CASZ1: variants seen among roughly 807,000 people sequenced by gnomAD.
CASZ1 encodes the protein castor zinc finger 1, also known as zinc finger protein castor homolog 1.
In CASZ1, 28 loss-of-function variants were observed where a neutral mutation model predicts 135.2. That is an observed-to-expected ratio of 0.21 (90% CI 0.15 to 0.28). The LOEUF is 0.28. Ranked by LOEUF, CASZ1 falls within the 10% of genes least tolerant of loss-of-function variation. CASZ1 has a pLI of 1.00. For missense variants in CASZ1, 2,161 were observed against 2,453.3 expected (o/e 0.88, Z 2.52); for synonymous variants, 1,068 against 1,073.4 (o/e 0.99, Z 0.10).
chr1:10,773,295 C>A (rs544910595), intron 1 of CASZ1, among the ~76,000 whole-genome samples: 1 of 152,122 alleles, frequency 6.6e-6, no homozygotes, highest in Non-Finnish European at 1.5e-5. Flanking sequence ...CACCCTGAAC[C>A]ATCCCCACAC....
intron 1 of CASZ1, among the ~76,000 whole-genome samples, chr1:10,770,371 T>C (rs11121616): frequency 0.17 from 26,214 of 152,202 alleles, 2,600 homozygotes; most frequent in East Asian, 0.4. Context: ...AGGTGTGAGC[T>C]GTCGAACCTG....
chr1:10,702,540 C>G (rs1639082577), intron 3 of CASZ1, among the ~76,000 whole-genome samples: 1 of 152,194 alleles, frequency 6.6e-6, no homozygotes, highest in South Asian at 2.1e-4. Flanking sequence ...GTCCCAAGGG[C>G]AGAAGGCCAA....
At position 10,735,364 on chromosome 1, in the gene CASZ1, C is replaced by T. The variant is rs547558894; in HGVS notation, c.-77+25337G>A. 4.6e-5 allele frequency among the ~76,000 whole-genome samples: 7 copies of T among 152,208 alleles called. No homozygotes were observed. Among genetic ancestry groups the T allele is most frequent in the Admixed American group, 6.5e-5 (1 of 15,292 alleles). On this transcript the variant is annotated intron_variant, in intron 2 of 20. Coordinates refer to ENST00000377022, the MANE Select transcript of CASZ1 (RefSeq NM_001079843.3). The surrounding 1 kb of genome is among the most constrained non-coding windows in gnomAD (Gnocchi z 5.1). ...GGCCCCAAGCTGCATTCTGAGCTGA[C>T]GAGAGAGGCGCCTGCAAACGCAGGC...
Position 10,776,585 on chromosome 1 carries a change from G to A in CASZ1, c.-233-15728C>T, listed in dbSNP as rs1434315486. ...GCAGGTGCATGGGGCATGGGTTGGG[G>A]GCACTGCCCACCGAGCCTGCAAAGG... On this transcript the variant is annotated intron_variant, in intron 1 of 20. Transcript: ENST00000377022. This position sits in a 1 kb window ranked among gnomAD's most constrained non-coding sequence, Gnocchi z 4.1. 6.6e-6 allele frequency among the ~76,000 whole-genome samples: 1 copy of A among 152,212 alleles called. No homozygotes were observed. The highest frequency in any genetic ancestry group is 1.5e-5 in the Non-Finnish European group (1 of 68,034).
rs1257445014 is a variant in CASZ1 at position 10,676,372 on chromosome 1, C to G, written c.17-10801G>C. Among the ~76,000 whole-genome samples, 3 of 152,184 alleles carry G rather than the reference C, an allele frequency of 2.0e-5. No individual in the cohort carries two copies. Among genetic ancestry groups the G allele is most frequent in the African/African-American group, 7.2e-5 (3 of 41,450 alleles). ...CCCTGTCCTTCCTCTCCAAGGAGAGCCACCACAGAAGCAAAGCTCTCACTC... is the reference window on the plus strand; with the variant it reads ...CCCTGTCCTTCCTCTCCAAGGAGAGGCACCACAGAAGCAAAGCTCTCACTC... On this transcript the variant is annotated intron_variant, in intron 4 of 20. Coordinates refer to ENST00000377022, the MANE Select transcript of CASZ1 (RefSeq NM_001079843.3). The surrounding 1 kb of genome is among the most constrained non-coding windows in gnomAD (Gnocchi z 4.5).
At chr1:10,675,022 G>T (rs284314) in intron 4 of CASZ1, among the ~76,000 whole-genome samples, 2 of 151,790 alleles carry the variant, frequency 1.3e-5, no homozygotes, top group South Asian at 2.1e-4. Flanking sequence ...GATACCCCCC[G>T]CAACCAACTG....
intron 3 of CASZ1, among the ~76,000 whole-genome samples, chr1:10,703,191 G>A (rs779373343): frequency 6.6e-5 from 10 of 152,158 alleles, no homozygotes; most frequent in Non-Finnish European, 1.0e-4. Flanking sequence ...GGCCGCGGCC[G>A]CAGCTCCCGT....
chr1:10,749,594 T>C (rs1303960615), intron 2 of CASZ1, among the ~76,000 whole-genome samples: 2 of 152,030 alleles, frequency 1.3e-5, no homozygotes, highest in African/African-American at 2.4e-5. Flanking sequence ...CATTTCCCCC[T>C]TCAGCCAGGT....
At chr1:10,792,568 G>A (rs1640981239) in intron 1 of CASZ1, among the ~76,000 whole-genome samples, 1 of 151,990 alleles carries the variant, frequency 6.6e-6, no homozygotes. Context: ...CAATCGCTTT[G>A]TATCATATCT....
At chr1:10,643,359 C>T in intron 18 of CASZ1, 48 bp from the exon 19 acceptor site, 1 of 1,599,214 alleles carries the variant, frequency 6.3e-7, no homozygotes, top group Non-Finnish European at 8.5e-7. Flanking sequence ...GGCCAGCGCT[C>T]ATGGCTTCCA....
chr1:10,701,461 G>A lies in CASZ1; in HGVS notation c.-24+4031C>T, dbSNP rs1639058882. 6.6e-6 allele frequency among the ~76,000 whole-genome samples: 1 copy of A among 152,168 alleles called. No homozygotes were observed. On this transcript the variant is annotated intron_variant, in intron 3 of 20. Transcript: ENST00000377022. This position sits in a 1 kb window ranked among gnomAD's most constrained non-coding sequence, Gnocchi z 6.3. ...GCCCACCCCCAAAATCCTTGGGAGA[G>A]GATGGGAAGGACTTAGGTCCAGCCC...
rs200974627 is a variant in CASZ1 at position 10,644,971 on chromosome 1, G to T, written c.3814C>A (p.Arg1272=). 1.2e-6 allele frequency: 2 copies of T among 1,613,958 alleles called. No individual in the cohort carries two copies. Among genetic ancestry groups the T allele is most frequent in the Non-Finnish European group, 1.7e-6 (2 of 1,180,022 alleles). Residue 1272 remains arginine, a synonymous_variant, in exon 18 of 21, where the codon CGG becomes AGG. Coordinates refer to ENST00000377022, the MANE Select transcript of CASZ1 (RefSeq NM_001079843.3). ...HIKKHEKAER[R]AANGFKYFTK... is the part of the protein sequence containing the mutation. ...AAGTATTTGAAGCCATTGGCTGCCCGCCGCTCCGCCTTCTCATGCTTCTTG... is the reference window on the plus strand; with the variant it reads ...AAGTATTTGAAGCCATTGGCTGCCCTCCGCTCCGCCTTCTCATGCTTCTTG...
rs538403756 is a variant in CASZ1 at position 10,668,342 on chromosome 1, A to G, written c.17-2771T>C. On this transcript the variant is annotated intron_variant, in intron 4 of 20. Transcript: ENST00000377022. Reference sequence around the variant, plus strand: ...ATATAAACGCCGTGGCCAGGCCTCAATGGAAGGAAGCCATCCGTCCCCGGC... The same window carrying G: ...ATATAAACGCCGTGGCCAGGCCTCAGTGGAAGGAAGCCATCCGTCCCCGGC... Among the ~76,000 whole-genome samples the G allele has an allele frequency of 2.6e-5, 4 of 152,228 alleles. No homozygotes were observed. In the South Asian group the frequency reaches 6.2e-4, roughly 24 times the overall value.
chr1:10,749,799 C>T (rs1317285499), intron 2 of CASZ1, among the ~76,000 whole-genome samples: 1 of 152,130 alleles, frequency 6.6e-6, no homozygotes, highest in Non-Finnish European at 1.5e-5. Context: ...AAAAGATGAC[C>T]TTACATCTAA....
Position 10,648,076 on chromosome 1 carries a change from C to G in CASZ1, c.3222G>C (p.Ser1074=), listed in dbSNP as rs763416135. 6.3e-7 allele frequency: 1 copy of G among 1,585,362 alleles called. No homozygotes were observed. Among genetic ancestry groups the G allele is most frequent in the Non-Finnish European group, 8.6e-7 (1 of 1,166,566 alleles). ...CCATGGGAGGTTTGGTCTCGGCGGC[C>G]GAGGCCGGAAAGGCAGCCTCTGTGT... The part of the protein sequence containing the change: ...KGNTEAAFPA[S]AAETKPPMAP... The change falls in exon 16 of 21, where the codon TCG becomes TCC. Residue 1074 remains serine, a synonymous_variant. Transcript: ENST00000377022.
rs7512641 is a variant in CASZ1, at chr1:10,762,114, T to A, written c.-233-1257A>T. On this transcript the variant is annotated intron_variant, in intron 1 of 20. Transcript: ENST00000377022. The surrounding 1 kb of genome is among the most constrained non-coding windows in gnomAD (Gnocchi z 4.1). ...GTGCACGAACCCCTCCCCTCCTGCC[T>A]CCCAAGGTTGGACCTGAGTGCGAGG... 0.52 allele frequency among the ~76,000 whole-genome samples: 79,403 copies of A among 151,822 alleles called. 25,341 individuals carry two copies. Among genetic ancestry groups the A allele is most frequent in the Non-Finnish European group, 0.73 (49,498 of 67,922 alleles).
rs761242521 is a variant in CASZ1, at chr1:10,659,751, T to C, written c.1291A>G (p.Thr431Ala). The C allele has an allele frequency of 1.4e-5, 23 of 1,613,850 alleles. No individual in the cohort carries two copies. Among genetic ancestry groups the C allele is most frequent in the African/African-American group, 5.3e-5 (4 of 74,882 alleles). Residue 431 changes from threonine to alanine, a missense_variant, in exon 6 of 21, where the codon ACC becomes GCC. Thr to Ala is a moderately conservative substitution (Grantham distance 58, BLOSUM62 0). Coordinates refer to ENST00000377022, the MANE Select transcript of CASZ1 (RefSeq NM_001079843.3). ...GTGATGGAGTCTGTTTTGGAGAAGG[T>C]TGACTTCAGGTACTCGGGAGTGTTG... ...SFNTPEYLKS[T>A]FSKTDSITTG...
At chr1:10,644,632 GC>G (rs1346185595) in intron 18 of CASZ1, among the ~76,000 whole-genome samples, 1 of 152,180 alleles carries the variant, frequency 6.6e-6, no homozygotes, top group African/African-American at 2.4e-5. Context: ...ACAGAACCAC[GC>G]CCAGGCCCTG....
rs1296836001 is a variant in CASZ1 at position 10,721,393 on chromosome 1, A to G, written c.-76-15849T>C. ...CGTCTCCGATCCAATTAATATGCAA[A>G]TGCAGGAGAGGATTTATTTGTGACA... On this transcript the variant is annotated intron_variant, in intron 2 of 20. Coordinates refer to ENST00000377022, the MANE Select transcript of CASZ1 (RefSeq NM_001079843.3). The surrounding 1 kb of genome is among the most constrained non-coding windows in gnomAD (Gnocchi z 5.4). 6.6e-6 allele frequency among the ~76,000 whole-genome samples: 1 copy of G among 152,240 alleles called. No homozygotes were observed. The highest frequency in any genetic ancestry group is 1.5e-5 in the Non-Finnish European group (1 of 68,048).
Sources: gnomAD v4.1 joint callset for allele counts (sites outside exome capture counted in the v4.1 genomes callset) on GRCh38, gnomAD v4.1.1 for gene constraint, Gnocchi (gnomAD v3.1) non-coding constraint, MANE v1.5 for transcripts, NCBI Gene and HGNC (gene_info 2026-07-23, HGNC 2026-07-21) for gene names.